TPPP: variants seen among roughly 807,000 people sequenced by gnomAD.
TPPP encodes tubulin polymerization-promoting protein.
Under a neutral mutation model 15.5 loss-of-function variants are expected in TPPP, and 6 were observed. That is an observed-to-expected ratio of 0.39 (90% CI 0.21 to 0.77). The LOEUF (loss-of-function observed/expected upper bound fraction) is 0.77. Ranked by LOEUF, TPPP falls within the 30% of genes least tolerant of loss-of-function variation. The probability of loss-of-function intolerance (pLI) is 0.42; values close to 1 mark genes in which losing one functional copy is unlikely to be tolerated. For missense variants in TPPP, 269 were observed against 307.2 expected, an observed-to-expected ratio of 0.88 and a Z score of 0.93; for synonymous variants, 146 against 133.9, an observed-to-expected ratio of 1.09 and a Z score of -0.63.
intron 2 of TPPP, among the ~76,000 whole-genome samples, chr5:672,475 A>G (rs1414506839): frequency 6.6e-6 from 1 of 152,250 alleles, no homozygotes; most frequent in Non-Finnish European, 1.5e-5. Context: ...CAGCCAGCTG[A>G]GACCGCAGCC....
chr5:697,891 A>C, upstream of TPPP, among the ~76,000 whole-genome samples: 1 of 143,066 alleles, frequency 7.0e-6, no homozygotes, highest in African/African-American at 2.6e-5. Context: ...AAAAAAGAAA[A>C]CTCCAGATCA....
chr5:675,271 G>T (rs1253266220), intron 2 of TPPP, among the ~76,000 whole-genome samples: 11 of 110,850 alleles, frequency 9.9e-5, no homozygotes, highest in African/African-American at 3.7e-4. Flanking sequence ...CGGGGGTGCA[G>T]CCCAGGGGGT....
chr5:675,520 GTGCAGTGTGGCCGGGGA>G (rs1445240500), intron 2 of TPPP, among the ~76,000 whole-genome samples: 11 of 101,492 alleles, frequency 1.1e-4, no homozygotes, highest in Admixed American at 1.1e-3. Context: ...GTGACCAGGG[GTGCAGTGTGGCCGGGGA>G]TGCCGTGTGG....
intron 2 of TPPP, among the ~76,000 whole-genome samples, chr5:675,320 GGCCGGGGGTGC>G: frequency 1.9e-5 from 2 of 104,346 alleles, no homozygotes; most frequent in Non-Finnish European, 3.9e-5. Context: ...GGTACAGTGT[GGCCGGGGGTGC>G]AGTGTGGCTG....
At chr5:666,972 T>G (rs1739941984) in intron 2 of TPPP, 1 of 152,242 alleles carries the variant, frequency 6.6e-6, no homozygotes, top group South Asian at 2.1e-4. Context: ...GGGAAGCCTC[T>G]GGACAGCGCG....
chr5:679,403 AGGATCCTGGGGGTGGAAGGGCCGCC>A (rs1561090213), intron 1 of TPPP, among the ~76,000 whole-genome samples: 16 of 105,196 alleles, frequency 1.5e-4, no homozygotes, highest in African/African-American at 5.8e-4. Context: ...GCGTGGGGGC[AGGATCCTGGGGGTGGAAGGGCCGCC>A]TGGGGGCAGG....
At chr5:677,026 GCA>G (rs545553643) in intron 2 of TPPP, among the ~76,000 whole-genome samples, 105 of 149,944 alleles carry the variant, frequency 7.0e-4, no homozygotes, top group African/African-American at 1.1e-3. Flanking sequence ...GCGCACACGT[GCA>G]CACACGACGC....
intron 1 of TPPP, among the ~76,000 whole-genome samples, chr5:688,487 C>T (rs566224415): frequency 4.7e-3 from 703 of 150,712 alleles, no homozygotes; most frequent in Middle Eastern, 0.01. Flanking sequence ...AAGCACAGTG[C>T]TCAGGAATTG....
chr5:661,282 ACCC>A lies in TPPP; in HGVS notation c.*3817_*3819del, dbSNP rs1199400622. 2 of 129,998 alleles carry A rather than the reference ACCC, an allele frequency of 1.5e-5. No homozygotes were observed. The highest frequency in any genetic ancestry group is 7.8e-5 in the Admixed American group (1 of 12,822). The allele number at this position is 129,998 out of a possible 1,614,324, so 8.1% of individuals were successfully genotyped here. ...GAACCTGTCCCTCTCTCCTGGTGTC[ACCC>A]CCGACAGAACCTGTCCCTGTCTCCT... On this transcript the variant is annotated 3_prime_UTR_variant, in exon 4 of 4. Transcript: ENST00000360578.
intron 2 of TPPP, among the ~76,000 whole-genome samples, chr5:675,397 T>G (rs1279911648): frequency 3.5e-5 from 3 of 85,870 alleles, no homozygotes; most frequent in Non-Finnish European, 6.5e-5. Context: ...GAGGGTGCAG[T>G]GTGGCCAGGG....
intron 2 of TPPP, among the ~76,000 whole-genome samples, chr5:669,696 A>G (rs1740129977): frequency 6.6e-6 from 1 of 152,004 alleles, no homozygotes. Context: ...ATCAGAGGCG[A>G]CATTCAGATC....
rs1290752761 is a variant in TPPP at position 668,326 on chromosome 5, C to T, written c.312-2203G>A. 2.9e-5 allele frequency among the ~76,000 whole-genome samples: 3 copies of T among 104,716 alleles called. 1 individual carries two copies. Among genetic ancestry groups the T allele is most frequent in the Admixed American group, 1.8e-4 (2 of 11,348 alleles). 68.7% of individuals were successfully genotyped at this position (104,716 alleles called of 152,430 possible). A position where few individuals can be genotyped will look rare whatever the true frequency, so the allele number is the denominator to read the frequency against. On this transcript the variant is annotated intron_variant, in intron 2 of 3. Transcript: ENST00000360578. ...ACCGACAAGCACACAGAGAGGGGGC[C>T]GTGTGGGCGCCGTCAGGGAAGTGCG...
rs1368127575 is a variant in TPPP, at chr5:671,757, G to A, written c.312-5634C>T. 5.3e-5 allele frequency among the ~76,000 whole-genome samples: 8 copies of A among 152,342 alleles called. No homozygotes were observed. In the East Asian group the frequency reaches 5.8e-4, roughly 11 times the overall value. ...CCACGTTCATCCTGCCCTGCCAGGC[G>A]TGGCCACTAGAGGCTCCCCAAAGAC... On this transcript the variant is annotated intron_variant, in intron 2 of 3. Transcript: ENST00000360578.
chr5:698,714 G>A, the TPPP span, among the ~76,000 whole-genome samples: 1,824 of 151,868 alleles, frequency 0.012, 31 homozygotes, highest in Middle Eastern at 0.02. Context: ...CACAACACAC[G>A]GGAATTATGG....
At chr5:681,962 G>T (rs535511394) in intron 1 of TPPP, among the ~76,000 whole-genome samples, 2 of 152,006 alleles carry the variant, frequency 1.3e-5, no homozygotes, top group Non-Finnish European at 2.9e-5. Flanking sequence ...CTTCGTCCCA[G>T]ACACCGCAGG....
intron 2 of TPPP, among the ~76,000 whole-genome samples, chr5:675,099 T>C (rs1629703): frequency 3.9e-3 from 23 of 5,908 alleles, no homozygotes; most frequent in Admixed American, 5.5e-3. Context: ...TTCAGTGTGG[T>C]CAGGGGTGCA....
upstream of TPPP, among the ~76,000 whole-genome samples, chr5:697,752 C>G (rs543060347): frequency 1.1e-4 from 16 of 151,792 alleles, 1 homozygote; most frequent in Admixed American, 8.5e-4. Flanking sequence ...CAGATTCTAC[C>G]AAACATATGA....
chr5:666,221 C>T, intron 2 of TPPP, 98 bp from the exon 3 acceptor site: 1 of 1,411,406 alleles, frequency 7.1e-7, no homozygotes, highest in Non-Finnish European at 9.6e-7. Context: ...CATGGCCCAG[C>T]AGCCCACAGG....
chr5:683,712 T>C (rs372176344), intron 1 of TPPP, among the ~76,000 whole-genome samples: 3,848 of 131,160 alleles, frequency 0.029, no homozygotes, highest in African/African-American at 0.084. Flanking sequence ...TGCAAGCTGA[T>C]TGGGAAACAG....
Sources: gnomAD v4.1 joint callset for allele counts (sites outside exome capture counted in the v4.1 genomes callset) on GRCh38, gnomAD v4.1.1 for gene constraint, MANE v1.5 for transcripts, NCBI Gene and HGNC (gene_info 2026-07-23, HGNC 2026-07-21) for gene names.